The following SEZ6L variants were observed in gnomAD, a reference collection of about 807,000 sequenced individuals.
The protein encoded by SEZ6L is seizure related 6 homolog like.
A neutral mutation model predicts 106.2 loss-of-function variants in SEZ6L; 37 were observed. The observed-to-expected ratio is 0.35, with a 90% CI of 0.27 to 0.46. SEZ6L has a LOEUF of 0.46. Among genes scored for constraint, SEZ6L ranks in the 20% least tolerant of loss-of-function variants. The pLI is 1.00. For synonymous variants in SEZ6L, 541 were observed against 570.4 expected, an observed-to-expected ratio of 0.95 and a Z score of 0.73; for missense variants, 1,172 against 1,332.8, an observed-to-expected ratio of 0.88 and a Z score of 1.88.
At chr22:26,370,325 C>T (rs1225559248) in intron 13 of SEZ6L, among the ~76,000 whole-genome samples, 3 of 151,978 alleles carry the variant, frequency 2.0e-5, no homozygotes, top group East Asian at 3.9e-4. Flanking sequence ...GCGGAGCTTG[C>T]GGTGAGCTGA....
chr22:26,365,736 T>A (rs1232337102), intron 13 of SEZ6L, among the ~76,000 whole-genome samples, 170 bp downstream of exon 13: 1 of 150,844 alleles, frequency 6.6e-6, no homozygotes, highest in Admixed American at 6.6e-5. Context: ...TAGTCAGGCA[T>A]GGCGGCACAC....
At chr22:26,243,254 A>T (rs2079199282) in intron 1 of SEZ6L, among the ~76,000 whole-genome samples, 1 of 152,240 alleles carries the variant, frequency 6.6e-6, no homozygotes, top group Admixed American at 6.5e-5. Context: ...TTTGAGGGAG[A>T]CAATTTGACC....
intron 1 of SEZ6L, among the ~76,000 whole-genome samples, chr22:26,227,246 C>T (rs900908133): frequency 3.3e-5 from 5 of 152,054 alleles, no homozygotes; most frequent in Admixed American, 6.6e-5. Flanking sequence ...GCTGTGTGGC[C>T]GCTTAATTTC....
At chr22:26,375,776 G>A in intron 15 of SEZ6L, 87 bp downstream of exon 15, 3 of 938,240 alleles carry the variant, frequency 3.2e-6, no homozygotes, top group South Asian at 1.6e-5. Flanking sequence ...TGAGCCTCAG[G>A]GTCTCCACCT....
Position 26,292,664 on chromosome 22 carries a change from A to C in SEZ6L, c.353A>C (p.Lys118Thr). 1 of 1,613,318 alleles carries C rather than the reference A, an allele frequency of 6.2e-7. No homozygotes were observed. The highest frequency in any genetic ancestry group is 8.5e-7 in the Non-Finnish European group (1 of 1,179,878). ...AAGCACGCCTTGCCCCCCAAGAAGA[A>C]ACTGCCTTCGCTCAAGCAGGTGAAC... ...RPKHALPPKK[K>T]LPSLKQVNSA... Residue 118 changes from lysine (K) to threonine (T), a missense_variant, in exon 2 of 17, where the codon AAA (lysine) becomes ACA (threonine). Transcript: ENST00000248933.
In SEZ6L at chr22:26,351,240, G is replaced by C. The variant is rs747914181; in HGVS notation, c.2596G>C (p.Val866Leu). ...CTGGACGTCTCGCCTGCCCCACTGCGTTTGTGAGTCCTGTTTAATGAATTG... is the reference window on the plus strand; with the variant it reads ...CTGGACGTCTCGCCTGCCCCACTGCCTTTGTGAGTCCTGTTTAATGAATTG... Reference protein sequence around the residue: ...PIWTSRLPHCVSEESLACDNP... With the variant: ...PIWTSRLPHCLSEESLACDNP... Residue 866 changes from valine to leucine, a missense_variant, in exon 12 of 17, where the codon GTT (valine) becomes CTT (leucine). By Grantham distance (32) the Val-to-Leu change is conservative. Transcript: ENST00000248933. 2 of 1,613,524 alleles carry C rather than the reference G, an allele frequency of 1.2e-6. No homozygotes were observed. The highest frequency in any genetic ancestry group is 1.7e-6 in the Non-Finnish European group (2 of 1,179,696).
chr22:26,364,583 C>T (rs1295896042), intron 12 of SEZ6L, among the ~76,000 whole-genome samples: 2 of 152,104 alleles, frequency 1.3e-5, no homozygotes, highest in Non-Finnish European at 2.9e-5. Flanking sequence ...CTTAGGCTAC[C>T]GGGTACTTTG....
intron 1 of SEZ6L, among the ~76,000 whole-genome samples, chr22:26,173,962 C>T (rs1938801149): frequency 6.6e-6 from 1 of 152,316 alleles, no homozygotes; most frequent in East Asian, 1.9e-4. Flanking sequence ...GGTGATAAGG[C>T]CATCAACGTA....
chr22:26,312,009 A>C, intron 8 of SEZ6L, 47 bp downstream of exon 8: 5 of 1,572,706 alleles, frequency 3.2e-6, no homozygotes, highest in Non-Finnish European at 4.4e-6. Context: ...AGGGATCTCC[A>C]CCCTTTGGAT....
At chr22:26,189,590 C>T (rs760361035) in intron 1 of SEZ6L, among the ~76,000 whole-genome samples, 18 of 152,136 alleles carry the variant, frequency 1.2e-4, no homozygotes, top group Admixed American at 4.6e-4. Context: ...CAACTATTTA[C>T]GTAGCATTTA....
At chr22:26,332,145 ATGT>A (rs1246470115) in intron 9 of SEZ6L, among the ~76,000 whole-genome samples, 2 of 121,702 alleles carry the variant, frequency 1.6e-5, no homozygotes, top group Non-Finnish European at 3.3e-5. Flanking sequence ...AGGATTTTCA[ATGT>A]TTTTTTTTTT....
chr22:26,214,626 G>C (rs759799926), intron 1 of SEZ6L, among the ~76,000 whole-genome samples: 25 of 152,206 alleles, frequency 1.6e-4, no homozygotes, highest in Non-Finnish European at 2.8e-4. Context: ...CTTGCCCAGA[G>C]AAAAGGTGTG....
intron 1 of SEZ6L, among the ~76,000 whole-genome samples, chr22:26,258,196 G>C (rs1248348251): frequency 1.3e-5 from 2 of 152,194 alleles, no homozygotes; most frequent in Non-Finnish European, 2.9e-5. Context: ...GACGCATAGG[G>C]AGAGTAAGTT....
At chr22:26,367,633 T>G (rs1224581710) in intron 13 of SEZ6L, among the ~76,000 whole-genome samples, 1 of 152,152 alleles carries the variant, frequency 6.6e-6, no homozygotes, top group Non-Finnish European at 1.5e-5. Flanking sequence ...ATCTGACCTC[T>G]GCCTGCTTTT....
At chr22:26,359,388 A>C (rs949233039) in intron 12 of SEZ6L, among the ~76,000 whole-genome samples, 1 of 152,172 alleles carries the variant, frequency 6.6e-6, no homozygotes, top group African/African-American at 2.4e-5. Flanking sequence ...TGCATGGTGC[A>C]GTGGTTAAGA....
intron 1 of SEZ6L, among the ~76,000 whole-genome samples, chr22:26,211,089 C>T (rs1484317229): frequency 6.6e-6 from 1 of 152,128 alleles, no homozygotes; most frequent in East Asian, 1.9e-4. Flanking sequence ...TGCCCTTAAG[C>T]TTTGGAAGCC....
intron 11 of SEZ6L, among the ~76,000 whole-genome samples, chr22:26,348,660 AAGAAAG>A (rs1569473714): frequency 8.1e-5 from 5 of 61,930 alleles, no homozygotes; most frequent in African/African-American, 4.0e-4. Flanking sequence ...GAAAGAAAGA[AAGAAAG>A]AAAGAAAGAA....
chr22:26,274,292 G>A (rs528134203), intron 1 of SEZ6L, among the ~76,000 whole-genome samples: 1 of 151,914 alleles, frequency 6.6e-6, no homozygotes, highest in African/African-American at 2.4e-5. Flanking sequence ...TTGAATATAG[G>A]ACCATGGATA....
At chr22:26,332,034 A>G (rs1335826363) in intron 9 of SEZ6L, among the ~76,000 whole-genome samples, 1 of 152,138 alleles carries the variant, frequency 6.6e-6, no homozygotes, top group Non-Finnish European at 1.5e-5. Flanking sequence ...TAATACAAAA[A>G]TCACAGCTAT....
Sources: gnomAD v4.1 joint callset for allele counts (sites outside exome capture counted in the v4.1 genomes callset) on GRCh38, gnomAD v4.1.1 for gene constraint, MANE v1.5 for transcripts, NCBI Gene and HGNC (gene_info 2026-07-23, HGNC 2026-07-21) for gene names.